The following RAD52 variants were observed in gnomAD, a reference collection of about 807,000 sequenced individuals.
RAD52 encodes the protein DNA repair protein RAD52 homolog.
In RAD52, 47 loss-of-function variants were observed where a neutral mutation model predicts 55.5. The ratio of observed to expected loss-of-function variants is 0.85; its 90% CI spans 0.67 to 1.08. The LOEUF is 1.08. RAD52 is among the 50% of genes least tolerant of loss of function. The pLI is 0.00. For synonymous variants in RAD52, 184 were observed against 198.9 expected (o/e 0.92, Z 0.63); for missense variants, 468 against 522.8 (o/e 0.90, Z 1.02).
intron 1 of RAD52, among the ~76,000 whole-genome samples, chr12:973,317 C>A (rs1363400502): frequency 6.6e-6 from 1 of 152,136 alleles, no homozygotes; most frequent in African/African-American, 2.4e-5. Flanking sequence ...GATCCACCCT[C>A]CTGGGCCTCC....
intron 7 of RAD52, among the ~76,000 whole-genome samples, chr12:925,195 C>G (rs1227294742): frequency 6.6e-6 from 1 of 151,972 alleles, no homozygotes; most frequent in African/African-American, 2.4e-5. Context: ...TGTGATCCAC[C>G]TGCCTCCACC....
chr12:936,456 T>C (rs1464502669), intron 1 of RAD52, among the ~76,000 whole-genome samples: 2 of 147,220 alleles, frequency 1.4e-5, no homozygotes, highest in African/African-American at 5.1e-5. Context: ...TTCCTAAAAC[T>C]GTCTACAATG....
Position 913,182 on chromosome 12 carries a change from C to T in RAD52, c.*209G>A. ...AGGTATTCATCTGTCCAGAGCCTCT[C>T]CCTACTAGAGTGATGGACAAGCTTT... On this transcript the variant is annotated 3_prime_UTR_variant, in exon 12 of 12. Transcript: ENST00000358495. The T allele has an allele frequency of 1.8e-6, 1 of 558,072 alleles. No homozygotes were observed. The highest frequency in any genetic ancestry group is 3.2e-6 in the Non-Finnish European group (1 of 316,590). 34.6% of individuals were successfully genotyped at this position (558,072 alleles called of 1,614,324 possible). A position where few individuals can be genotyped will look rare whatever the true frequency, so the allele number is the denominator to read the frequency against.
chr12:961,498 G>C (rs1466695420), intron 1 of RAD52, among the ~76,000 whole-genome samples: 2 of 151,778 alleles, frequency 1.3e-5, no homozygotes, highest in East Asian at 3.9e-4. Context: ...TTGAAATGAA[G>C]CATTAGGGTG....
At chr12:981,943 G>A (rs985307320) in intron 1 of RAD52, among the ~76,000 whole-genome samples, 2 of 152,146 alleles carry the variant, frequency 1.3e-5, no homozygotes, top group African/African-American at 4.8e-5. Context: ...CACCACGTTG[G>A]CCCTATTGGT....
At chr12:972,184 AGGGG>A (rs1481774014) in intron 1 of RAD52, among the ~76,000 whole-genome samples, 4 of 152,156 alleles carry the variant, frequency 2.6e-5, no homozygotes, top group African/African-American at 9.7e-5. Context: ...TCCAAGCACT[AGGGG>A]TGAAACAGGT....
intron 1 of RAD52, among the ~76,000 whole-genome samples, chr12:985,859 C>T (rs1959079080): frequency 6.6e-6 from 1 of 151,698 alleles, no homozygotes; most frequent in Non-Finnish European, 1.5e-5. Flanking sequence ...GCAGGCTGGT[C>T]TCGAACTCCT....
At chr12:958,214 C>CTATTT (rs149077324) in intron 1 of RAD52, among the ~76,000 whole-genome samples, 1 of 152,078 alleles carries the variant, frequency 6.6e-6, no homozygotes, top group Non-Finnish European at 1.5e-5. Flanking sequence ...GTATTGCCTT[C>CTATTT]TATTTTATTT....
At chr12:965,636 G>A (rs1958750278) in intron 1 of RAD52, among the ~76,000 whole-genome samples, 1 of 151,614 alleles carries the variant, frequency 6.6e-6, no homozygotes, top group South Asian at 2.1e-4. Flanking sequence ...ACTATGTTCT[G>A]GCCAATAAGA....
rs1956407680 is a variant in RAD52 at position 916,706 on chromosome 12, G to A, written c.658C>T (p.Gln220Ter). 1.9e-6 allele frequency: 3 copies of A among 1,614,186 alleles called. No homozygotes were observed. In the East Asian group the frequency reaches 6.7e-5, roughly 36 times the overall value. ...GGTCTGGAAGGGGAGGTCACCTGCT[G>A]CAGCTGTGGGTGTCCCAGGGCCATG... is the stretch of plus-strand genomic sequence containing the variant. ...PNMALGHPQL[Q>*]QVTSPSRPSH... Residue 220 changes from glutamine to a stop codon, truncating the protein, a stop_gained, in exon 8 of 12, where the codon CAG (glutamine) becomes TAG (stop). Coordinates refer to ENST00000358495, the MANE Select transcript of RAD52 (RefSeq NM_134424.4). LOFTEE classifies it high-confidence loss of function.
At chr12:970,858 G>T (rs1379090236) in intron 1 of RAD52, among the ~76,000 whole-genome samples, 1 of 152,086 alleles carries the variant, frequency 6.6e-6, no homozygotes, top group Non-Finnish European at 1.5e-5. Flanking sequence ...CCAAAGCCAG[G>T]TACATCCCTT....
intron 1 of RAD52, chr12:936,989 T>C (rs1833096): frequency 0.99 from 150,838 of 152,336 alleles, 74,698 homozygotes; most frequent in East Asian, 1. Flanking sequence ...CGTGGCTTGC[T>C]GCTTGCCTTG....
chr12:989,330 C>A (rs79236498), intron 1 of RAD52, among the ~76,000 whole-genome samples: 4,360 of 152,208 alleles, frequency 0.029, 89 homozygotes, highest in South Asian at 0.088. Context: ...TTTTGTCAGA[C>A]CACACTTACT....
chr12:950,477 AG>A (rs11571375), upstream of RAD52, among the ~76,000 whole-genome samples: 1,120 of 151,500 alleles, frequency 7.4e-3, 10 homozygotes, highest in African/African-American at 0.025. Flanking sequence ...AGGCTGAGGT[AG>A]GAGAATGGCG....
At chr12:942,359 G>A (rs1253106710) in intron 1 of RAD52, among the ~76,000 whole-genome samples, 2 of 152,160 alleles carry the variant, frequency 1.3e-5, no homozygotes, top group African/African-American at 4.8e-5. Flanking sequence ...GGAATGACTG[G>A]ATATCTATAT....
rs562106418 is a variant in RAD52, at chr12:941,005, A to G, written c.-18-7929T>C. On this transcript the variant is annotated intron_variant, in intron 1 of 11. Transcript: ENST00000358495. ...GAACAGAAGAAATATTTTTAAAACT[A>G]ATAGCTCCAAATTTCCCAAATTGGC... 2.7e-4 allele frequency among the ~76,000 whole-genome samples: 41 copies of G among 152,290 alleles called. No homozygotes were observed. The East Asian group carries it at 7.5e-3, about 28-fold the overall frequency.
chr12:913,594 TCTC>T (rs1374988052), intron 11 of RAD52, 142 bp from the exon 12 acceptor site: 1 of 777,214 alleles, frequency 1.3e-6, no homozygotes, highest in Non-Finnish European at 2.1e-6. Context: ...GGCAGATGAT[TCTC>T]CTAGACCAAG....
rs60547688 is a variant in RAD52, at chr12:961,309, C to CAAAAAAAAAAAAAAAAAAAAAAAAAAAA, written c.-18-28234_-18-28233insTTTTTTTTTTTTTTTTTTTTTTTTTTTT. Among the ~76,000 whole-genome samples, 50 of 33,808 alleles carry CAAAAAAAAAAAAAAAAAAAAAAAAAAAA rather than the reference C, an allele frequency of 1.5e-3. 1 individual carries two copies. The highest frequency in any genetic ancestry group is 2.9e-3 in the East Asian group (3 of 1,046). The allele number at this position is 33,808 out of a possible 152,430, so 22.2% of individuals were successfully genotyped here. On this transcript the variant is annotated intron_variant, in intron 1 of 11. Transcript: ENST00000430095. ...TGGGTGACAGAGTGAGACTCCATCTCAAAAAAAAAAAAAAAAAAAAAAAGG... is the reference window on the plus strand; with the variant it reads ...TGGGTGACAGAGTGAGACTCCATCTCAAAAAAAAAAAAAAAAAAAAAAAAAAAAAAAAAAAAAAAAAAAAAAAAAAAGG...
intron 2 of RAD52, among the ~76,000 whole-genome samples, 185 bp downstream of exon 2, chr12:932,790 C>T (rs927042864): frequency 2.0e-5 from 3 of 150,974 alleles, no homozygotes; most frequent in Admixed American, 6.6e-5. Context: ...CCGCACGCAC[C>T]GCGTCAACGT....
Sources: allele counts gnomAD v4.1 joint callset (sites outside exome capture counted in the v4.1 genomes callset), GRCh38; gene constraint gnomAD v4.1.1; transcripts MANE v1.5; gene names NCBI Gene and HGNC (gene_info 2026-07-23, HGNC 2026-07-21).